The following TMEM43 variants were observed in gnomAD, a reference collection of about 807,000 sequenced individuals.
The protein encoded by TMEM43 is arrhythmogenic right ventricular dysplasia 5.
In TMEM43, 45 loss-of-function variants were observed where a neutral mutation model predicts 49.6. That is an observed-to-expected ratio of 0.91 (90% CI 0.71 to 1.16). The LOEUF is 1.16. Ranked by LOEUF, TMEM43 falls within the 50% of genes most tolerant of loss-of-function variation. The pLI is 0.00. For missense variants in TMEM43, 532 were observed against 516.6 expected (o/e 1.03, Z -0.29); for synonymous variants, 199 against 207.8 (o/e 0.96, Z 0.36).
chr3:14,135,025 T>C, intron 8 of TMEM43, 133 bp from the exon 9 acceptor site: 1 of 1,506,346 alleles, frequency 6.6e-7, no homozygotes, highest in African/African-American at 1.4e-5. Context: ...AGAGGCCCTC[T>C]GGGTGACGGC....
chr3:14,135,373 C>T, intron 9 of TMEM43, 141 bp downstream of exon 9: 1 of 759,498 alleles, frequency 1.3e-6, no homozygotes, highest in Non-Finnish European at 2.3e-6. Context: ...CTCAGCCAGG[C>T]ACGCTTCTGA....
At chr3:14,129,270 T>C in intron 1 of TMEM43, 142 bp from the exon 2 acceptor site, 1 of 646,168 alleles carries the variant, frequency 1.5e-6, no homozygotes, top group South Asian at 2.2e-5. Flanking sequence ...AACTGTACAT[T>C]GAATATCTGT....
Position 14,135,794 on chromosome 3 carries a change from G to A in TMEM43, c.781-13G>A. The A allele has an allele frequency of 6.2e-7, 1 of 1,611,564 alleles. No homozygotes were observed. The highest frequency in any genetic ancestry group is 1.1e-5 in the South Asian group (1 of 91,002). ...GGTCACCCCTCAGCTCTAACACCAGGTCCTCTGACCAGGTCACTGTGATTG... is the reference window on the plus strand; with the variant it reads ...GGTCACCCCTCAGCTCTAACACCAGATCCTCTGACCAGGTCACTGTGATTG... On this transcript the variant is annotated splice_polypyrimidine_tract_variant and intron_variant, in intron 9 of 11. Coordinates refer to ENST00000306077, the MANE Select transcript of TMEM43 (RefSeq NM_024334.3).
chr3:14,139,345 GCCT>G (rs779537693), intron 11 of TMEM43, 48 bp downstream of exon 11: 9 of 1,296,362 alleles, frequency 6.9e-6, no homozygotes, highest in African/African-American at 4.4e-5. Context: ...CCCTGAAAGG[GCCT>G]CCTCTGCCTG....
intron 1 of TMEM43, chr3:14,128,821 G>A (rs1178483652): frequency 2.6e-6 from 1 of 388,948 alleles, no homozygotes; most frequent in Non-Finnish European, 5.1e-6. Context: ...AAAGGTTCAT[G>A]TATGAATATT....
At chr3:14,139,387 T>A in intron 11 of TMEM43, 90 bp downstream of exon 11, 1 of 934,166 alleles carries the variant, frequency 1.1e-6, no homozygotes, top group Non-Finnish European at 1.8e-6. Flanking sequence ...TCCAGCCTGA[T>A]GGGATGGCCC....
Position 14,130,886 on chromosome 3 carries a change from G to A in TMEM43, c.227G>A (p.Ser76Asn), listed in dbSNP as rs144663367. 3 of 1,613,734 alleles carry A rather than the reference G, an allele frequency of 1.9e-6. No homozygotes were observed. The highest frequency in any genetic ancestry group is 2.5e-6 in the Non-Finnish European group (3 of 1,179,750). ...EGLSLVVSPD[S>N]IHSVAPENEG... ...CTCTCGCTTGTGGTGTCTCCCGACA[G>A]CATCCACAGTGTGGCTCCGGAGAAT... The change falls in exon 3 of 12, where the codon AGC becomes AAC. Residue 76 changes from serine to asparagine, a missense_variant. By Grantham distance (46) the Ser-to-Asn change is conservative (BLOSUM62 1). Transcript: ENST00000306077.
intron 2 of TMEM43, among the ~76,000 whole-genome samples, chr3:14,130,115 TCTTTC>T (rs1475050571): frequency 6.8e-6 from 1 of 147,804 alleles, no homozygotes; most frequent in Non-Finnish European, 1.5e-5. Context: ...TCTCCCTCTC[TCTTTC>T]TTTTTCTCCT....
At chr3:14,140,439 G>A (rs1695232111) in intron 11 of TMEM43, among the ~76,000 whole-genome samples, 1 of 152,172 alleles carries the variant, frequency 6.6e-6, no homozygotes, top group Non-Finnish European at 1.5e-5. Context: ...GACCCCCAGG[G>A]TGGGTGGGGA....
At chr3:14,127,896 G>T (rs1420711927) in intron 1 of TMEM43, among the ~76,000 whole-genome samples, 2 of 152,150 alleles carry the variant, frequency 1.3e-5, no homozygotes, top group East Asian at 3.8e-4. Flanking sequence ...ACCAGGATGG[G>T]GCCTGTCTTA....
chr3:14,127,942 A>C (rs1695040651), intron 1 of TMEM43, among the ~76,000 whole-genome samples: 1 of 152,168 alleles, frequency 6.6e-6, no homozygotes, highest in East Asian at 1.9e-4. Flanking sequence ...GACTTTTGTC[A>C]GCTCACCCCC....
chr3:14,131,389 C>T (rs767922521), intron 3 of TMEM43, among the ~76,000 whole-genome samples, 191 bp from the exon 4 acceptor site: 1 of 152,272 alleles, frequency 6.6e-6, no homozygotes, highest in Admixed American at 6.5e-5. Flanking sequence ...GTCACAGTCA[C>T]AGGCACTGTG....
intron 10 of TMEM43, among the ~76,000 whole-genome samples, chr3:14,136,216 A>G (rs1161636869): frequency 1.3e-5 from 2 of 152,232 alleles, no homozygotes; most frequent in Non-Finnish European, 1.5e-5. Flanking sequence ...AGGTGATTTT[A>G]TACAATGCAA....
In TMEM43 at chr3:14,141,982, C is replaced by T; in HGVS notation, c.*187C>T. 1 of 615,124 alleles carries T rather than the reference C, an allele frequency of 1.6e-6. No individual in the cohort carries two copies. 38.1% of individuals were successfully genotyped at this position (615,124 alleles called of 1,614,324 possible). Reference sequence around the variant, plus strand: ...GGTGTTCACCAGCTCATGTCTTCCCCACATCTCTTCTTGCCAGTAAGCAGC... The same window carrying T: ...GGTGTTCACCAGCTCATGTCTTCCCTACATCTCTTCTTGCCAGTAAGCAGC... On this transcript the variant is annotated 3_prime_UTR_variant, in exon 12 of 12. Coordinates refer to ENST00000306077, the MANE Select transcript of TMEM43 (RefSeq NM_024334.3).
Position 14,127,829 on chromosome 3 carries a change from G to A in TMEM43, c.13-1583G>A, listed in dbSNP as rs139346044. ...TGGTACTCAAAGACAATCAGAATGC[G>A]ACATCAGCTTTGTTCAAGCAGAGAT... On this transcript the variant is annotated intron_variant, in intron 1 of 11. Transcript: ENST00000306077. 4.5e-3 allele frequency among the ~76,000 whole-genome samples: 689 copies of A among 152,264 alleles called. 9 individuals are homozygous for A. The highest frequency in any genetic ancestry group is 0.016 in the African/African-American group (648 of 41,538).
chr3:14,133,874 TC>T, intron 7 of TMEM43, 65 bp downstream of exon 7: 1 of 1,425,068 alleles, frequency 7.0e-7, no homozygotes, highest in Non-Finnish European at 9.9e-7. Flanking sequence ...GGGCCGGAGC[TC>T]CCAGTACTCA....
rs916727632 is a variant in TMEM43, at chr3:14,125,329, C to T, written c.12+124C>T. On this transcript the variant is annotated intron_variant, in intron 1 of 11. Transcript: ENST00000306077. ...CTCCGTGCGGCTAGGCCCGCATCTC[C>T]CTCTGCTCGCCGTGTCTGTGCCTTC... 5.0e-6 allele frequency: 6 copies of T among 1,188,658 alleles called. No individual in the cohort carries two copies. In the African/African-American group the frequency reaches 7.5e-5, roughly 15 times the overall value. 73.6% of individuals were successfully genotyped at this position (1,188,658 alleles called of 1,614,324 possible).
intron 5 of TMEM43, 120 bp downstream of exon 5, chr3:14,132,715 G>T: frequency 7.1e-7 from 1 of 1,400,184 alleles, no homozygotes; most frequent in Non-Finnish European, 1.0e-6. Context: ...AGGATCCCTG[G>T]GTGCAAGTCT....
intron 1 of TMEM43, 117 bp from the exon 2 acceptor site, chr3:14,129,295 T>G (rs1363635287): frequency 1.3e-6 from 1 of 755,504 alleles, no homozygotes; most frequent in South Asian, 2.0e-5. Context: ...TTTTACCACA[T>G]ACAGTTAAAA....
Sources: gnomAD v4.1 joint callset for allele counts (sites outside exome capture counted in the v4.1 genomes callset) on GRCh38, gnomAD v4.1.1 for gene constraint, MANE v1.5 for transcripts, NCBI Gene and HGNC (gene_info 2026-07-23, HGNC 2026-07-21) for gene names.